Variants in LAPTM5 observed in about 807,000 individuals in gnomAD.
LAPTM5 encodes lysosomal-associated transmembrane protein 5.
LAPTM5 carries 11 observed loss-of-function variants against 30.1 expected under a neutral mutation model. That is an observed-to-expected ratio of 0.37 (90% CI 0.23 to 0.60). The LOEUF (loss-of-function observed/expected upper bound fraction) is 0.60, where lower values mean the gene tolerates loss of function less well. Among genes scored for constraint, LAPTM5 ranks in the 20% least tolerant of loss-of-function variants. The pLI, the probability that LAPTM5 is intolerant of heterozygous loss-of-function variation, is 0.71. For synonymous variants in LAPTM5, 151 were observed against 137.9 expected, an observed-to-expected ratio of 1.10 and a Z score of -0.67; for missense variants, 324 against 332.5, an observed-to-expected ratio of 0.97 and a Z score of 0.20.
intron 1 of LAPTM5, among the ~76,000 whole-genome samples, chr1:30,748,613 C>A (rs1557466113): frequency 6.6e-6 from 1 of 152,308 alleles, no homozygotes; most frequent in South Asian, 2.1e-4. Flanking sequence ...GGGGCCAGCC[C>A]CCCAAGAGCA....
chr1:30,733,309 T>C lies in LAPTM5; in HGVS notation c.*519A>G, dbSNP rs1304958853. 8.0e-6 allele frequency: 2 copies of C among 249,998 alleles called. No homozygotes were observed. The highest frequency in any genetic ancestry group is 1.6e-5 in the Non-Finnish European group (2 of 125,366). The allele number at this position is 249,998 out of a possible 1,614,324, so 15.5% of individuals were successfully genotyped here. ...CTCATGGTTGGCTAATTGATTATCA[T>C]GTAAGCAAGCTATTTGAAGAAATTG... On this transcript the variant is annotated 3_prime_UTR_variant, in exon 8 of 8. Coordinates refer to ENST00000294507, the MANE Select transcript of LAPTM5 (RefSeq NM_006762.3).
chr1:30,744,301 C>T (rs1640013863), intron 1 of LAPTM5, among the ~76,000 whole-genome samples: 1 of 152,126 alleles, frequency 6.6e-6, no homozygotes, highest in Admixed American at 6.5e-5. Context: ...GAAAAAAACT[C>T]CTTCCTCAGC....
rs781116816 is a variant in LAPTM5 at position 30,739,858 on chromosome 1, G to A, written c.338C>T (p.Ser113Phe). The change falls in exon 4 of 8, where the codon TCC (serine) becomes TTC (phenylalanine). Residue 113 changes from serine (S) to phenylalanine (F), a missense_variant. Transcript: ENST00000294507. This position sits in a 1 kb window ranked among gnomAD's most constrained non-coding sequence, Gnocchi z 4.2. ...YLLCLLTLLG[S>F]YIELPAYLKL... ...GAGGTAGGCGGGCAGCTCAATGTAG[G>A]AGCCCAGCAGGGTGAGCAGGCACAG... 3 of 1,608,176 alleles carry A rather than the reference G, an allele frequency of 1.9e-6. No individual in the cohort carries two copies. In the Admixed American group the frequency reaches 5.1e-5, roughly 27 times the overall value.
chr1:30,747,976 A>G (rs2124192554), intron 1 of LAPTM5, among the ~76,000 whole-genome samples: 1 of 151,998 alleles, frequency 6.6e-6, no homozygotes, highest in Non-Finnish European at 1.5e-5. Flanking sequence ...GTGATAAGGA[A>G]TATCATGTGG....
intron 1 of LAPTM5, among the ~76,000 whole-genome samples, chr1:30,743,401 G>T (rs1376009830): frequency 6.6e-6 from 1 of 152,210 alleles, no homozygotes; most frequent in African/African-American, 2.4e-5. Flanking sequence ...AGGCCTGAGT[G>T]TTGGGGTGGC....
chr1:30,755,004 C>T lies in LAPTM5; in HGVS notation c.87+2655G>A, dbSNP rs144621213. ...CTAGCCTATGGGAAAGCCCCCAGGC[C>T]CTGCCCTTTCTGGGAAGGAGAGAGG... On this transcript the variant is annotated intron_variant, in intron 1 of 7. Transcript: ENST00000294507. 4.1e-3 allele frequency among the ~76,000 whole-genome samples: 624 copies of T among 152,324 alleles called. 3 individuals are homozygous for T. Among genetic ancestry groups the T allele is most frequent in the African/African-American group, 0.014 (602 of 41,568 alleles).
rs933776619 is a variant in LAPTM5, at chr1:30,746,137, T to C, written c.88-3588A>G. On this transcript the variant is annotated intron_variant, in intron 1 of 7. Coordinates refer to ENST00000294507, the MANE Select transcript of LAPTM5 (RefSeq NM_006762.3). This position sits in a 1 kb window ranked among gnomAD's most constrained non-coding sequence, Gnocchi z 4.0. ...CCTCCTCCACTGCCTCACTGCTGTG[T>C]GGCCCTGGCCAGGTTCTGGCTTCTC... The C allele has an allele frequency of 1.8e-4, 27 of 152,306 alleles. No homozygotes were observed. The highest frequency in any genetic ancestry group is 6.0e-4 in the African/African-American group (25 of 41,458). The allele number at this position is 152,306 out of a possible 1,614,324, so 9.4% of individuals were successfully genotyped here.
At chr1:30,750,368 C>T (rs1051367317) in intron 1 of LAPTM5, among the ~76,000 whole-genome samples, 10 of 152,202 alleles carry the variant, frequency 6.6e-5, no homozygotes, top group African/African-American at 1.7e-4. Flanking sequence ...ATTTATTAGA[C>T]GCCAGGTCCT....
At chr1:30,741,854 T>A in intron 2 of LAPTM5, 138 bp from the exon 3 acceptor site, 2 of 572,524 alleles carry the variant, frequency 3.5e-6, no homozygotes, top group Middle Eastern at 4.3e-4. Flanking sequence ...CCTCTTGCAG[T>A]CCTGAGTCTG....
rs764833877 is a variant in LAPTM5 at position 30,733,596 on chromosome 1, TG to T, written c.*231del. The T allele has an allele frequency of 7.9e-6, 12 of 1,525,930 alleles. No individual in the cohort carries two copies. In the African/African-American group the frequency reaches 1.6e-4, roughly 21 times the overall value. 94.5% of individuals were successfully genotyped at this position (1,525,930 alleles called of 1,614,324 possible). On this transcript the variant is annotated 3_prime_UTR_variant, in exon 8 of 8. Coordinates refer to ENST00000294507, the MANE Select transcript of LAPTM5 (RefSeq NM_006762.3). ...CTGATTGAAATAAACCAAGCATTGT[TG>T]GGCTGAATTATGGAGAGACCCGAGG... is the stretch of plus-strand genomic sequence containing the variant.
intron 2 of LAPTM5, 22 bp from the exon 3 acceptor site, chr1:30,741,738 G>A (rs748594187): frequency 6.3e-7 from 1 of 1,582,698 alleles, no homozygotes; most frequent in South Asian, 1.1e-5. Flanking sequence ...GGAGAGCAGG[G>A]AGGTGCTCAG....
intron 1 of LAPTM5, among the ~76,000 whole-genome samples, chr1:30,750,594 G>A (rs761986852): frequency 6.6e-6 from 1 of 152,106 alleles, no homozygotes; most frequent in Non-Finnish European, 1.5e-5. Context: ...CTTTACACAT[G>A]GGCTCTGTGC....
Position 30,739,965 on chromosome 1 carries a change from T to G in LAPTM5, c.259-28A>C. ...GAAAGGTAGGCCCAGCACCGTCAAG[T>G]GTCCCCTGCATGCAGCCAACACTCC... On this transcript the variant is annotated intron_variant, in intron 3 of 7. Coordinates refer to ENST00000294507, the MANE Select transcript of LAPTM5 (RefSeq NM_006762.3). The surrounding 1 kb of genome is among the most constrained non-coding windows in gnomAD (Gnocchi z 4.2). The G allele has an allele frequency of 6.5e-7, 1 of 1,540,682 alleles. No homozygotes were observed. The highest frequency in any genetic ancestry group is 8.8e-7 in the Non-Finnish European group (1 of 1,138,094).
chr1:30,739,747 C>T lies in LAPTM5; in HGVS notation c.387+62G>A. 4.0e-6 allele frequency: 6 copies of T among 1,506,444 alleles called. No individual in the cohort carries two copies. Among genetic ancestry groups the T allele is most frequent in the Non-Finnish European group, 4.5e-6 (5 of 1,123,166 alleles). The allele number at this position is 1,506,444 out of a possible 1,614,324, so 93.3% of individuals were successfully genotyped here. A position where few individuals can be genotyped will look rare whatever the true frequency, so the allele number is the denominator to read the frequency against. Reference sequence around the variant, plus strand: ...GCACAGGGCCCGTGTCTGGTCCCCTCCCATCTCCCATGCCAGACCTGGGCT... The same window carrying T: ...GCACAGGGCCCGTGTCTGGTCCCCTTCCATCTCCCATGCCAGACCTGGGCT... On this transcript the variant is annotated intron_variant, in intron 4 of 7. Coordinates refer to ENST00000294507, the MANE Select transcript of LAPTM5 (RefSeq NM_006762.3). This position sits in a 1 kb window ranked among gnomAD's most constrained non-coding sequence, Gnocchi z 4.2.
chr1:30,752,838 T>G, intron 1 of LAPTM5, among the ~76,000 whole-genome samples: 1 of 150,882 alleles, frequency 6.6e-6, no homozygotes. Flanking sequence ...TTTTAAAGAG[T>G]CTCACTCTGT....
At chr1:30,740,399 T>TCCCCCCCCCCCCCCCCCCCCCCCCCCC (rs148522746) in intron 3 of LAPTM5, among the ~76,000 whole-genome samples, 5 of 103,192 alleles carry the variant, frequency 4.8e-5, no homozygotes, top group South Asian at 3.7e-4. Flanking sequence ...AGAGAGCCCC[T>TCCCCCCCCCCCCCCCCCCCCCCCCCCC]CCCCCCCACC....
intron 7 of LAPTM5, 92 bp from the exon 8 acceptor site, chr1:30,734,009 C>T: frequency 7.5e-7 from 1 of 1,339,086 alleles, no homozygotes; most frequent in Non-Finnish European, 1.0e-6. Flanking sequence ...CCACCTCTGG[C>T]AAAATGATGA....
rs1202318728 is a variant in LAPTM5, at chr1:30,753,117, C to T, written c.87+4542G>A. On this transcript the variant is annotated intron_variant, in intron 1 of 7. Coordinates refer to ENST00000294507, the MANE Select transcript of LAPTM5 (RefSeq NM_006762.3). ...TTTTTTCCAATTTAAAAGTAGTATA[C>T]TTGAGCCACAAAGTAAAGTACCATT... 4.0e-5 allele frequency among the ~76,000 whole-genome samples: 6 copies of T among 151,494 alleles called. No homozygotes were observed. The East Asian group carries it at 9.7e-4, about 24-fold the overall frequency.
intron 1 of LAPTM5, among the ~76,000 whole-genome samples, chr1:30,752,869 C>T (rs751606649): frequency 6.6e-6 from 1 of 152,046 alleles, no homozygotes; most frequent in Non-Finnish European, 1.5e-5. Flanking sequence ...CGCAGTGGCG[C>T]GATCTCGGCT....
Sources: allele counts gnomAD v4.1 joint callset (sites outside exome capture counted in the v4.1 genomes callset), GRCh38; gene constraint gnomAD v4.1.1; non-coding constraint Gnocchi (gnomAD v3.1); transcripts MANE v1.5; gene names NCBI Gene and HGNC (gene_info 2026-07-23, HGNC 2026-07-21).